The following RAVER2 variants were observed in gnomAD, a reference collection of about 807,000 sequenced individuals.
RAVER2 encodes ribonucleoprotein, PTB binding 2, also known as ribonucleoprotein PTB-binding 2.
A neutral mutation model predicts 78.1 loss-of-function variants in RAVER2; 46 were observed. The observed-to-expected ratio is 0.59, with a 90% confidence interval of 0.46 to 0.75. RAVER2 has a LOEUF of 0.75. Ranked by LOEUF, RAVER2 falls within the 30% of genes least tolerant of loss-of-function variation. The probability of loss-of-function intolerance (pLI) is 0.00; values close to 1 mark genes in which losing one functional copy is unlikely to be tolerated. For synonymous variants in RAVER2, 311 were observed against 313.3 expected, an observed-to-expected ratio of 0.99 and a Z score of 0.08; for missense variants, 793 against 837.5, an observed-to-expected ratio of 0.95 and a Z score of 0.66.
intron 1 of RAVER2, among the ~76,000 whole-genome samples, chr1:64,758,830 G>A (rs1651928064): frequency 6.6e-6 from 1 of 151,634 alleles, no homozygotes; most frequent in Non-Finnish European, 1.5e-5. Context: ...AACTTAATTT[G>A]GAGTCATTTG....
At chr1:64,761,790 TAAAA>T (rs1652029274) in intron 1 of RAVER2, among the ~76,000 whole-genome samples, 1 of 151,868 alleles carries the variant, frequency 6.6e-6, no homozygotes, top group South Asian at 2.1e-4. Flanking sequence ...ATATAGAAAA[TAAAA>T]AAGAATCTAT....
intron 1 of RAVER2, among the ~76,000 whole-genome samples, chr1:64,753,139 G>A (rs1651745576): frequency 2.6e-5 from 4 of 152,086 alleles, no homozygotes; most frequent in South Asian, 2.1e-4. Flanking sequence ...CTGCAGCCTC[G>A]ACCTTCCTCG....
rs543336238 is a variant in RAVER2 at position 64,745,476 on chromosome 1, C to G, written c.249+55C>G. 1.8e-5 allele frequency: 27 copies of G among 1,465,640 alleles called. No individual in the cohort carries two copies. The African/African-American group carries it at 3.7e-4, about 20-fold the overall frequency. 90.8% of individuals were successfully genotyped at this position (1,465,640 alleles called of 1,614,324 possible). ...CCCGAGGGGCGGCGGGGCGGCGCTC[C>G]GTGTCCAGGCTGGGATCGGGGGCGC... is the stretch of plus-strand genomic sequence containing the variant. On this transcript the variant is annotated intron_variant, in intron 1 of 11. Coordinates refer to ENST00000294428, the Ensembl canonical transcript of RAVER2. This position sits in a 1 kb window ranked among gnomAD's most constrained non-coding sequence, Gnocchi z 4.3.
chr1:64,778,391 T>C (rs1172844799), intron 3 of RAVER2, among the ~76,000 whole-genome samples: 1 of 152,182 alleles, frequency 6.6e-6, no homozygotes, highest in Non-Finnish European at 1.5e-5. Flanking sequence ...TATCCAACTT[T>C]TATTTACCAT....
At chr1:64,792,244 T>C (rs192778617) in intron 5 of RAVER2, among the ~76,000 whole-genome samples, 2 of 152,358 alleles carry the variant, frequency 1.3e-5, no homozygotes, top group East Asian at 3.9e-4. Context: ...CCACAAGTTG[T>C]TCTCTTGTGG....
chr1:64,822,506 A>T (rs983495729), intron 11 of RAVER2, among the ~76,000 whole-genome samples: 9 of 152,210 alleles, frequency 5.9e-5, no homozygotes, highest in African/African-American at 1.2e-4. Context: ...AAACTGAAAG[A>T]AAAGAGAATG....
intron 2 of RAVER2, among the ~76,000 whole-genome samples, chr1:64,771,185 A>G (rs1652306721): frequency 6.6e-6 from 1 of 151,958 alleles, no homozygotes; most frequent in Non-Finnish European, 1.5e-5. Flanking sequence ...TCATTAATAC[A>G]TTTAGCGGGA....
chr1:64,775,977 C>A (rs1652449494), intron 2 of RAVER2, among the ~76,000 whole-genome samples: 1 of 149,574 alleles, frequency 6.7e-6, no homozygotes, highest in Admixed American at 6.7e-5. Context: ...GAGATCGGCA[C>A]CACTGCACTC....
intron 3 of RAVER2, among the ~76,000 whole-genome samples, chr1:64,779,823 C>CT (rs1652580749): frequency 6.6e-6 from 1 of 151,256 alleles, no homozygotes; most frequent in Admixed American, 6.6e-5. Context: ...TCTAGTATAG[C>CT]TTTACATGTC....
chr1:64,794,722 A>T (rs930669907), intron 5 of RAVER2, among the ~76,000 whole-genome samples: 1 of 151,974 alleles, frequency 6.6e-6, no homozygotes, highest in African/African-American at 2.4e-5. Flanking sequence ...AAGTTGTAAG[A>T]GTGTTTTTTT....
chr1:64,825,229 A>G (rs1454270777), intron 11 of RAVER2, among the ~76,000 whole-genome samples: 2 of 152,206 alleles, frequency 1.3e-5, no homozygotes, highest in East Asian at 3.8e-4. Flanking sequence ...AGAAATAATG[A>G]TAAAATTAAT....
At chr1:64,803,051 A>T (rs761877514) in exon 6 of RAVER2, 4 of 1,592,676 alleles carry the variant, frequency 2.5e-6, no homozygotes, top group Non-Finnish European at 3.4e-6. Flanking sequence ...CATTTGAATA[A>T]AGCACATCAG....
intron 9 of RAVER2, among the ~76,000 whole-genome samples, chr1:64,809,061 CAT>C (rs1391747461): frequency 3.3e-5 from 5 of 152,156 alleles, no homozygotes; most frequent in Non-Finnish European, 7.3e-5. Flanking sequence ...GACAACCAAA[CAT>C]ATACATTGTT....
chr1:64,799,957 A>G (rs1653213134), intron 5 of RAVER2, among the ~76,000 whole-genome samples: 1 of 152,112 alleles, frequency 6.6e-6, no homozygotes, highest in Admixed American at 6.5e-5. Context: ...TAGCTGTTCT[A>G]ATTGGGGTGA....
chr1:64,799,641 A>G (rs564426077), intron 5 of RAVER2, among the ~76,000 whole-genome samples: 3 of 152,098 alleles, frequency 2.0e-5, no homozygotes, highest in South Asian at 2.1e-4. Flanking sequence ...CGGTTTCGCC[A>G]TGTTGGCCAG....
chr1:64,807,184 T>A (rs1342694792), intron 8 of RAVER2, 22 bp from the exon 9 acceptor site: 16 of 1,591,718 alleles, frequency 1.0e-5, no homozygotes, highest in Non-Finnish European at 1.4e-5. Flanking sequence ...TAAAAGCTTT[T>A]TGCATTTATG....
intron 1 of RAVER2, among the ~76,000 whole-genome samples, chr1:64,758,645 C>T (rs986540865): frequency 3.9e-5 from 6 of 152,106 alleles, no homozygotes; most frequent in Admixed American, 6.5e-5. Context: ...GAACTAAATT[C>T]TGCTAACTAC....
chr1:64,772,924 C>T (rs1652359225), intron 2 of RAVER2, among the ~76,000 whole-genome samples: 1 of 152,026 alleles, frequency 6.6e-6, no homozygotes, highest in African/African-American at 2.4e-5. Flanking sequence ...CAAACCTTTG[C>T]ATTTAAGGCA....
chr1:64,768,946 A>T (rs931656318), intron 2 of RAVER2, among the ~76,000 whole-genome samples: 1 of 152,026 alleles, frequency 6.6e-6, no homozygotes, highest in Non-Finnish European at 1.5e-5. Context: ...ATGAATTTTT[A>T]TAATGAATGT....
Sources: gnomAD v4.1 joint callset for allele counts (sites outside exome capture counted in the v4.1 genomes callset) on GRCh38, gnomAD v4.1.1 for gene constraint, Gnocchi (gnomAD v3.1) non-coding constraint, MANE v1.5 for transcripts, NCBI Gene and HGNC (gene_info 2026-07-23, HGNC 2026-07-21) for gene names.